UBE2D3: variants seen among roughly 807,000 people sequenced by gnomAD.
UBE2D3 encodes the protein ubiquitin-conjugating enzyme E2 D3.
A neutral mutation model predicts 22.8 loss-of-function variants in UBE2D3; 2 were observed. The ratio of observed to expected loss-of-function variants is 0.09; its 90% CI spans 0.04 to 0.28. The LOEUF is 0.28. UBE2D3 is among the 10% of genes least tolerant of loss of function. The pLI, the probability that UBE2D3 is intolerant of heterozygous loss-of-function variation, is 1.00. For missense variants in UBE2D3, 27 were observed against 182.5 expected, an observed-to-expected ratio of 0.15 and a Z score of 4.91; for synonymous variants, 56 against 60.4, an observed-to-expected ratio of 0.93 and a Z score of 0.34.
chr4:102,866,776 G>GA (rs1468420949), intron 1 of UBE2D3, among the ~76,000 whole-genome samples: 4 of 152,140 alleles, frequency 2.6e-5, no homozygotes, highest in African/African-American at 9.7e-5. Context: ...TCTAAGAGAA[G>GA]AAACGAATAG....
chr4:102,823,639 T>G (rs1253846605), intron 2 of UBE2D3, among the ~76,000 whole-genome samples: 2 of 152,184 alleles, frequency 1.3e-5, no homozygotes, highest in African/African-American at 4.8e-5. Flanking sequence ...TGTCTACAGC[T>G]CTCAATACCA....
At chr4:102,845,921 G>A (rs750668612) in intron 1 of UBE2D3, among the ~76,000 whole-genome samples, 1 of 152,100 alleles carries the variant, frequency 6.6e-6, no homozygotes, top group Non-Finnish European at 1.5e-5. Context: ...CTCCTGAGTA[G>A]CTGAGACCAC....
intron 6 of UBE2D3, among the ~76,000 whole-genome samples, chr4:102,800,129 C>T (rs530116594): frequency 2.6e-5 from 4 of 151,942 alleles, no homozygotes; most frequent in East Asian, 1.9e-4. Context: ...GAACATAGAT[C>T]GCATTCACTT....
At chr4:102,827,775 G>GGGAGGGA, upstream of UBE2D3, 2 of 986,282 alleles carry the variant, frequency 2.0e-6, no homozygotes, top group Non-Finnish European at 2.4e-6. Flanking sequence ...AGGAGGGCGG[G>GGGAGGGA]GGAGGGAGGA....
chr4:102,819,030 A>T (rs991399997), intron 2 of UBE2D3, among the ~76,000 whole-genome samples: 1 of 152,178 alleles, frequency 6.6e-6, no homozygotes, highest in Non-Finnish European at 1.5e-5. Flanking sequence ...TAGGAGAAAC[A>T]TAAGAATGTC....
chr4:102,830,553 T>C (rs1731064898), upstream of UBE2D3, among the ~76,000 whole-genome samples: 1 of 152,112 alleles, frequency 6.6e-6, no homozygotes, highest in South Asian at 2.1e-4. Context: ...ACATAAAACA[T>C]GAGAAAATAG....
intron 1 of UBE2D3, chr4:102,827,058 GA>G: frequency 1.0e-6 from 1 of 990,292 alleles, no homozygotes; most frequent in Non-Finnish European, 1.2e-6. Context: ...GTGCGGCCGG[GA>G]AAAGGAAGGA....
intron 2 of UBE2D3, among the ~76,000 whole-genome samples, chr4:102,817,379 C>T (rs1728920163): frequency 6.6e-6 from 1 of 152,164 alleles, no homozygotes; most frequent in African/African-American, 2.4e-5. Context: ...TTTAACTGTA[C>T]TCTTATAACC....
At chr4:102,807,825 T>C (rs1175052839) in intron 4 of UBE2D3, among the ~76,000 whole-genome samples, 1 of 152,210 alleles carries the variant, frequency 6.6e-6, no homozygotes, top group African/African-American at 2.4e-5. Flanking sequence ...TGATTGTCTA[T>C]AGGTATGTTC....
At chr4:102,860,796 C>CT (rs1475224962) in intron 1 of UBE2D3, among the ~76,000 whole-genome samples, 2 of 151,902 alleles carry the variant, frequency 1.3e-5, no homozygotes, top group Admixed American at 1.3e-4. Flanking sequence ...CCTGCATACA[C>CT]TATCTGCAGG....
At chr4:102,866,644 T>G (rs540122759) in intron 1 of UBE2D3, among the ~76,000 whole-genome samples, 5 of 152,240 alleles carry the variant, frequency 3.3e-5, no homozygotes, top group South Asian at 2.1e-4. Flanking sequence ...ACATTAAATT[T>G]ATACAGTCCA....
intron 1 of UBE2D3, among the ~76,000 whole-genome samples, chr4:102,854,570 A>G (rs77817550): frequency 1.6e-4 from 25 of 152,180 alleles, no homozygotes; most frequent in Non-Finnish European, 3.2e-4. Context: ...TCTATCCCTG[A>G]CAGTTTTCCT....
At position 102,794,928 on chromosome 4, in the gene UBE2D3, T is replaced by C. The variant is rs963909864; in HGVS notation, c.*2487A>G. 3.9e-5 allele frequency: 6 copies of C among 152,078 alleles called. No homozygotes were observed. Among genetic ancestry groups the C allele is most frequent in the Admixed American group, 2.0e-4 (3 of 15,252 alleles). 9.4% of individuals were successfully genotyped at this position (152,078 alleles called of 1,614,324 possible). A position where few individuals can be genotyped will look rare whatever the true frequency, so the allele number is the denominator to read the frequency against. On this transcript the variant is annotated 3_prime_UTR_variant, in exon 8 of 8. Coordinates refer to ENST00000453744, the MANE Select transcript of UBE2D3 (RefSeq NM_181891.3). ...AATACAAAGACATAGTCAAAACTGA[T>C]TCTAATACTCAGTTGGGTCCTATAC...
At chr4:102,833,312 G>A (rs773876795) in intron 1 of UBE2D3, among the ~76,000 whole-genome samples, 1 of 152,002 alleles carries the variant, frequency 6.6e-6, no homozygotes, top group Non-Finnish European at 1.5e-5. Flanking sequence ...TTCATTCTTT[G>A]ACTGATATCA....
chr4:102,821,359 C>T (rs1267968602), intron 2 of UBE2D3, among the ~76,000 whole-genome samples: 2 of 152,100 alleles, frequency 1.3e-5, no homozygotes, highest in African/African-American at 4.8e-5. Flanking sequence ...TACAAAGTGA[C>T]AAACAACTAT....
chr4:102,850,699 CAT>C (rs1732297064), intron 1 of UBE2D3, among the ~76,000 whole-genome samples: 2 of 152,062 alleles, frequency 1.3e-5, no homozygotes, highest in Non-Finnish European at 2.9e-5. Flanking sequence ...AATTTATACA[CAT>C]ATATTAAATA....
intron 1 of UBE2D3, among the ~76,000 whole-genome samples, chr4:102,866,270 A>G (rs1345068424): frequency 1.3e-5 from 2 of 152,230 alleles, no homozygotes; most frequent in Non-Finnish European, 2.9e-5. Context: ...AGTTTTATCC[A>G]TATAGACTTG....
At chr4:102,837,739 C>T (rs1731491571) in intron 1 of UBE2D3, among the ~76,000 whole-genome samples, 1 of 152,162 alleles carries the variant, frequency 6.6e-6, no homozygotes, top group South Asian at 2.1e-4. Flanking sequence ...ATCACGAGGT[C>T]AGGAGATCGA....
chr4:102,826,635 G>A lies in UBE2D3; in HGVS notation c.-127C>T, dbSNP rs1423203205. 2 of 1,571,758 alleles carry A rather than the reference G, an allele frequency of 1.3e-6. No homozygotes were observed. The highest frequency in any genetic ancestry group is 1.7e-6 in the Non-Finnish European group (2 of 1,168,242). ...CACACCAGCTCTGCCAGACACAGGC[G>A]CCTTTTGCAAAAACGGAGCAGATCA... On this transcript the variant is annotated splice_region_variant and 5_prime_UTR_variant, in exon 2 of 8. Transcript: ENST00000453744.
Sources: allele counts gnomAD v4.1 joint callset (sites outside exome capture counted in the v4.1 genomes callset), GRCh38; gene constraint gnomAD v4.1.1; transcripts MANE v1.5; gene names NCBI Gene and HGNC (gene_info 2026-07-23, HGNC 2026-07-21).